A2ML1: variants seen among roughly 807,000 people sequenced by gnomAD.
A2ML1 encodes alpha-2-macroglobulin-like protein 1.
In A2ML1, 161 loss-of-function variants were observed where a neutral mutation model predicts 181.9. The ratio of observed to expected loss-of-function variants is 0.89; its 90% CI spans 0.78 to 1.01. The LOEUF (loss-of-function observed/expected upper bound fraction) is 1.01. Ranked by LOEUF, A2ML1 falls within the 50% of genes least tolerant of loss-of-function variation. The pLI, the probability that A2ML1 is intolerant of heterozygous loss-of-function variation, is 0.00. For synonymous variants in A2ML1, 663 were observed against 666.8 expected, an observed-to-expected ratio of 0.99 and a Z score of 0.09; for missense variants, 1,670 against 1,768.1, an observed-to-expected ratio of 0.94 and a Z score of 1.00.
chr12:8,869,264 T>G, intron 33 of A2ML1, 61 bp downstream of exon 33: 1 of 1,546,312 alleles, frequency 6.5e-7, no homozygotes, highest in Non-Finnish European at 8.9e-7. Context: ...TGACTTCCCT[T>G]CTAATCTGTA....
intron 17 of A2ML1, 25 bp from the exon 18 acceptor site, chr12:8,850,135 G>T: frequency 3.2e-6 from 5 of 1,565,984 alleles, no homozygotes; most frequent in Non-Finnish European, 4.3e-6. Context: ...GTTTCCTAAA[G>T]TTTTCGTATT....
In A2ML1 at chr12:8,829,725, A is replaced by C. The variant is rs1943048306; in HGVS notation, c.410-2A>C. The C allele has an allele frequency of 1.9e-6, 3 of 1,613,212 alleles. No homozygotes were observed. The highest frequency in any genetic ancestry group is 1.3e-5 in the African/African-American group (1 of 74,738). On this transcript the variant is annotated splice_acceptor_variant, in intron 3 of 35. Coordinates refer to ENST00000299698, the MANE Select transcript of A2ML1 (RefSeq NM_144670.6). LOFTEE classifies it high-confidence loss of function. ...TTGCTAATGATGCCTGTTCCTTTCC[A>C]GTGTATTTCCGCATTGTCACCATGG...
chr12:8,869,002 T>C (rs1944530726), intron 32 of A2ML1, 133 bp from the exon 33 acceptor site: 2 of 797,774 alleles, frequency 2.5e-6, no homozygotes, highest in Non-Finnish European at 4.1e-6. Flanking sequence ...ATGCAACTTG[T>C]AATAGTCTTG....
intron 3 of A2ML1, among the ~76,000 whole-genome samples, chr12:8,824,279 C>CTT (rs370453259): frequency 1.8e-3 from 239 of 131,724 alleles, no homozygotes; most frequent in African/African-American, 5.9e-3. Context: ...TACAGGGGCA[C>CTT]TTCATTCTGA....
At chr12:8,837,132 C>T (rs1943307062) in intron 7 of A2ML1, among the ~76,000 whole-genome samples, 1 of 152,156 alleles carries the variant, frequency 6.6e-6, no homozygotes. Flanking sequence ...GATTCTCCTG[C>T]CTCTTCCTCC....
intron 5 of A2ML1, 55 bp from the exon 6 acceptor site, chr12:8,835,452 A>G (rs2136760549): frequency 1.2e-6 from 2 of 1,605,162 alleles, no homozygotes; most frequent in Non-Finnish European, 1.7e-6. Context: ...GCTTTTTGCA[A>G]TGCAGAGTGG....
chr12:8,874,085 G>A (rs961925624), intron 33 of A2ML1, among the ~76,000 whole-genome samples: 4 of 151,894 alleles, frequency 2.6e-5, no homozygotes, highest in Admixed American at 6.6e-5. Flanking sequence ...GCGCCATCTC[G>A]GCTCACTGCA....
chr12:8,853,452 A>T (rs1306982898), intron 20 of A2ML1, among the ~76,000 whole-genome samples: 1 of 152,160 alleles, frequency 6.6e-6, no homozygotes, highest in Non-Finnish European at 1.5e-5. Flanking sequence ...TATCAAACAG[A>T]TTCTATGGGT....
intron 7 of A2ML1, among the ~76,000 whole-genome samples, chr12:8,884,547 C>A (rs1029771304): frequency 6.6e-6 from 1 of 151,208 alleles, no homozygotes; most frequent in African/African-American, 2.4e-5. Context: ...TCTTTTTTTT[C>A]TTTTTTTAAG....
chr12:8,870,425 G>A (rs1392127699), intron 33 of A2ML1, among the ~76,000 whole-genome samples: 1 of 152,068 alleles, frequency 6.6e-6, no homozygotes, highest in Non-Finnish European at 1.5e-5. Context: ...CCGCCACCAT[G>A]CCCGGCTAAT....
chr12:8,827,988 C>T (rs1359866865), intron 3 of A2ML1, among the ~76,000 whole-genome samples: 1 of 152,188 alleles, frequency 6.6e-6, no homozygotes, highest in African/African-American at 2.4e-5. Flanking sequence ...GCTGAGCTGC[C>T]TGGAGAGAGG....
intron 22 of A2ML1, 113 bp from the exon 23 acceptor site, chr12:8,855,396 A>G: frequency 1.1e-6 from 1 of 898,368 alleles, no homozygotes. Flanking sequence ...TCCCAGAGAA[A>G]GCACCGAGTA....
Position 8,874,436 on chromosome 12 carries a change from C to T in A2ML1, c.4233C>T (p.Asn1411=), listed in dbSNP as rs371033800. 3.1e-4 allele frequency: 503 copies of T among 1,613,612 alleles called. No homozygotes were observed. Among genetic ancestry groups the T allele is most frequent in the Admixed American group, 5.0e-4 (30 of 59,982 alleles). ...LNIYLDELIK[N]TQTYTFTISQ... ...TGTCTTCCCCACAGCTCATTAAGAA[C>T]ACTCAGACTTACACCTTCACCATCA... The change falls in exon 34 of 36, where the codon AAC becomes AAT. Residue 1411 remains asparagine (N), a synonymous_variant. Coordinates refer to ENST00000299698, the MANE Select transcript of A2ML1 (RefSeq NM_144670.6).
At chr12:8,859,804 G>A (rs928457457) in intron 26 of A2ML1, among the ~76,000 whole-genome samples, 5 of 151,990 alleles carry the variant, frequency 3.3e-5, no homozygotes, top group Non-Finnish European at 7.4e-5. Flanking sequence ...GGCCTCAAGT[G>A]ATCCACCCGC....
chr12:8,824,202 A>G (rs1018636434), intron 3 of A2ML1, among the ~76,000 whole-genome samples: 30 of 121,426 alleles, frequency 2.5e-4, no homozygotes, highest in African/African-American at 8.8e-4. Flanking sequence ...CACTGAGGGC[A>G]TTTGGCTTGA....
intron 14 of A2ML1, 82 bp from the exon 15 acceptor site, chr12:8,847,467 A>G (rs1446875455): frequency 6.8e-6 from 10 of 1,470,418 alleles, no homozygotes; most frequent in Non-Finnish European, 9.1e-6. Context: ...GCTGGGGCAT[A>G]TTTGCTGATG....
chr12:8,827,035 G>T (rs1215069788), intron 3 of A2ML1, among the ~76,000 whole-genome samples: 3 of 151,942 alleles, frequency 2.0e-5, no homozygotes, highest in African/African-American at 7.3e-5. Flanking sequence ...CTATAATCTT[G>T]TAATTAATAT....
At chr12:8,877,415 G>A (rs1397240179), downstream of A2ML1, among the ~76,000 whole-genome samples, 3 of 152,072 alleles carry the variant, frequency 2.0e-5, no homozygotes, top group East Asian at 1.9e-4. Flanking sequence ...TAAAGAATAG[G>A]AGAAAATATT....
At chr12:8,878,667 A>G (rs1156348467), downstream of A2ML1, among the ~76,000 whole-genome samples, 1 of 152,166 alleles carries the variant, frequency 6.6e-6, no homozygotes, top group Non-Finnish European at 1.5e-5. This position sits in a 1 kb window ranked among gnomAD's most constrained non-coding sequence, Gnocchi z 4.4. Context: ...TATCTCCTGA[A>G]TTTAAAATTG....
Sources: allele counts gnomAD v4.1 joint callset (sites outside exome capture counted in the v4.1 genomes callset), GRCh38; gene constraint gnomAD v4.1.1; non-coding constraint Gnocchi (gnomAD v3.1); transcripts MANE v1.5; gene names NCBI Gene and HGNC (gene_info 2026-07-23, HGNC 2026-07-21).